Variants in LAMA5 observed in about 807,000 individuals in gnomAD.
LAMA5 encodes the protein laminin subunit alpha 5.
Under a neutral mutation model 433.4 loss-of-function variants are expected in LAMA5, and 260 were observed. That is an observed-to-expected ratio of 0.60 (90% CI 0.54 to 0.66). The LOEUF (loss-of-function observed/expected upper bound fraction) is 0.66, where lower values mean the gene tolerates loss of function less well. LAMA5 is among the 30% of genes least tolerant of loss of function. The pLI, the probability that LAMA5 is intolerant of heterozygous loss-of-function variation, is 0.00. For missense variants in LAMA5, 5,378 were observed against 5,258.5 expected (o/e 1.02, Z -0.70); for synonymous variants, 2,620 against 2,226.6 (o/e 1.18, Z -4.97).
At chr20:62,357,085 A>C (rs73613569) in intron 2 of LAMA5, among the ~76,000 whole-genome samples, 3 of 152,108 alleles carry the variant, frequency 2.0e-5, no homozygotes, top group Non-Finnish European at 4.4e-5. Context: ...CCACCTCACC[A>C]TGGGGTGGGC....
At position 62,328,014 on chromosome 20, in the gene LAMA5, T is replaced by C. The variant is rs1393421358; in HGVS notation, c.4653-4A>G. The C allele has an allele frequency of 1.9e-6, 3 of 1,611,110 alleles. No homozygotes were observed. Among genetic ancestry groups the C allele is most frequent in the Non-Finnish European group, 2.5e-6 (3 of 1,179,742 alleles). ...CCCAGTCACGTTGGGTCTGCACCTG[T>C]GGCAGGGGCGGGAGCTGAGCCCCCT... On this transcript the variant is annotated splice_region_variant and splice_polypyrimidine_tract_variant and intron_variant, in intron 35 of 79. Coordinates refer to ENST00000252999, the MANE Select transcript of LAMA5 (RefSeq NM_005560.6).
rs750357487 is a variant in LAMA5, at chr20:62,329,230, C to G, written c.4143G>C (p.Glu1381Asp). Residue 1381 changes from glutamate (E) to aspartate (D), a missense_variant, in exon 33 of 80, where the codon GAG becomes GAC. By Grantham distance (45) the Glu-to-Asp change is conservative. Transcript: ENST00000252999. ...LWLDYVLVVP[E>D]NVYSFGYLRE... ...GGAGGTAGCCAAAGCTGTAGACGTT[C>G]TCAGGGACCACGAGTACATAATCCT... is the stretch of plus-strand genomic sequence containing the variant. 1 of 1,612,594 alleles carries G rather than the reference C, an allele frequency of 6.2e-7. No individual in the cohort carries two copies. Among genetic ancestry groups the G allele is most frequent in the Non-Finnish European group, 8.5e-7 (1 of 1,179,716 alleles).
In LAMA5 at chr20:62,317,385, G is replaced by A; in HGVS notation, c.7471C>T (p.His2491Tyr). The part of the protein sequence containing the change: ...KLRLVEAAEA[H>Y]AQQLGQLALN... ...GCCAGCTGGCCCAGCTGCTGTGCGT[G>A]GGCCTCGGCGGCCTCCACTAGACGC... Residue 2491 changes from histidine (H) to tyrosine (Y), a missense_variant, in exon 55 of 80, where the codon CAC becomes TAC. Transcript: ENST00000252999. 6 of 1,609,764 alleles carry A rather than the reference G, an allele frequency of 3.7e-6. No homozygotes were observed. Among genetic ancestry groups the A allele is most frequent in the Non-Finnish European group, 5.1e-6 (6 of 1,179,122 alleles).
chr20:62,330,751 C>T lies in LAMA5; in HGVS notation c.3844G>A (p.Glu1282Lys). ...DPDAEPTLLR[E>K]PQATVVFTTH... ...GAGACTATGGCCCTCACCTGGGGCT[C>T]ACGCAGCAGGGTGGGCTCTGCATCA... The change falls in exon 30 of 80, where the codon GAG becomes AAG. Residue 1282 changes from glutamate to lysine, a missense_variant. By Grantham distance (56) the Glu-to-Lys change is moderately conservative (BLOSUM62 1). Coordinates refer to ENST00000252999, the MANE Select transcript of LAMA5 (RefSeq NM_005560.6). 1.3e-6 allele frequency: 2 copies of T among 1,560,542 alleles called. No homozygotes were observed. Among genetic ancestry groups the T allele is most frequent in the Non-Finnish European group, 1.7e-6 (2 of 1,153,068 alleles).
chr20:62,328,557 G>T, intron 34 of LAMA5, 112 bp from the exon 35 acceptor site: 1 of 1,151,734 alleles, frequency 8.7e-7, no homozygotes, highest in Non-Finnish European at 1.2e-6. Context: ...GGGGAGACAA[G>T]AACAGGGACC....
At chr20:62,309,884 C>T (rs762449694) in intron 78 of LAMA5, 49 bp from the exon 79 acceptor site, 5 of 1,607,486 alleles carry the variant, frequency 3.1e-6, no homozygotes, top group Non-Finnish European at 3.4e-6. Flanking sequence ...AGCCCAGCCT[C>T]TCTCCAGCCC....
intron 45 of LAMA5, 103 bp downstream of exon 45, chr20:62,323,353 C>CCCAGCAT: frequency 1.0e-6 from 1 of 975,048 alleles, no homozygotes; most frequent in Non-Finnish European, 1.5e-6. Flanking sequence ...CTGGCTGGGC[C>CCCAGCAT]CCAGCATCAG....
chr20:62,314,748 G>A lies in LAMA5; in HGVS notation c.8197-23C>T, dbSNP rs376387381. On this transcript the variant is annotated intron_variant, in intron 60 of 79. Coordinates refer to ENST00000252999, the MANE Select transcript of LAMA5 (RefSeq NM_005560.6). ...GACCTGCGGGGCACGGTCCATCAGCGTCCACCACCACCCTCCCTGATGTCC... is the reference window on the plus strand; with the variant it reads ...GACCTGCGGGGCACGGTCCATCAGCATCCACCACCACCCTCCCTGATGTCC... The A allele has an allele frequency of 5.9e-5, 95 of 1,612,360 alleles. No individual in the cohort carries two copies. In the African/African-American group the frequency reaches 1.0e-3, roughly 17 times the overall value.
At chr20:62,340,851 A>G (rs988401815) in intron 11 of LAMA5, among the ~76,000 whole-genome samples, 2 of 151,788 alleles carry the variant, frequency 1.3e-5, no homozygotes, top group African/African-American at 4.8e-5. Flanking sequence ...CCTGGCCAAC[A>G]TGGTAAAACC....
chr20:62,317,798 G>A lies in LAMA5; in HGVS notation c.7240-20C>T, dbSNP rs748271415. ...CCTTTGCTGAAGGCAATGCAGGGGAGTTGGGGACAATGAGGGGTAAGAAAA... is the reference window on the plus strand; with the variant it reads ...CCTTTGCTGAAGGCAATGCAGGGGAATTGGGGACAATGAGGGGTAAGAAAA... On this transcript the variant is annotated intron_variant, in intron 53 of 79. Coordinates refer to ENST00000252999, the MANE Select transcript of LAMA5 (RefSeq NM_005560.6). 6.0e-6 allele frequency: 9 copies of A among 1,490,530 alleles called. No homozygotes were observed. Among genetic ancestry groups the A allele is most frequent in the South Asian group, 4.8e-5 (4 of 83,846 alleles). The allele number at this position is 1,490,530 out of a possible 1,614,324, so 92.3% of individuals were successfully genotyped here.
chr20:62,324,586 G>A lies in LAMA5; in HGVS notation c.5530-32C>T, dbSNP rs369369041. On this transcript the variant is annotated intron_variant, in intron 41 of 79. Transcript: ENST00000252999. This position sits in a 1 kb window ranked among gnomAD's most constrained non-coding sequence, Gnocchi z 4.4. Reference sequence around the variant, plus strand: ...GTGTACGGGGGCAGGTGGCATCAGCGATTGAGAGGACGAGGGGCCCCACCC... The same window carrying A: ...GTGTACGGGGGCAGGTGGCATCAGCAATTGAGAGGACGAGGGGCCCCACCC... 1.4e-5 allele frequency: 21 copies of A among 1,510,252 alleles called. No homozygotes were observed. Among genetic ancestry groups the A allele is most frequent in the East Asian group, 4.6e-5 (2 of 43,418 alleles). 93.6% of individuals were successfully genotyped at this position (1,510,252 alleles called of 1,614,324 possible).
intron 11 of LAMA5, among the ~76,000 whole-genome samples, chr20:62,339,136 C>G (rs4925376): frequency 0.78 from 118,599 of 151,904 alleles, 49,075 homozygotes; most frequent in East Asian, 0.94. Flanking sequence ...TTAGTTATTT[C>G]TTACGTAGAT....
intron 79 of LAMA5, 120 bp from the exon 80 acceptor site, chr20:62,309,595 T>TGGG (rs1568884695): frequency 6.7e-5 from 31 of 460,846 alleles, no homozygotes; most frequent in Admixed American, 1.1e-4. Context: ...AGGAGGGTGG[T>TGGG]AGGGGGGTGG....
intron 57 of LAMA5, 41 bp from the exon 58 acceptor site, chr20:62,316,099 C>A (rs778048025): frequency 7.0e-7 from 1 of 1,424,010 alleles, no homozygotes; most frequent in Non-Finnish European, 9.7e-7. Flanking sequence ...AGCTTCACCC[C>A]CAGTATACAA....
In LAMA5 at chr20:62,346,718, GC is replaced by G. The variant is rs1449169614; in HGVS notation, c.1154del (p.Gly385AlafsTer59). On this transcript the variant is annotated frameshift_variant, in exon 8 of 80. Coordinates refer to ENST00000252999, the MANE Select transcript of LAMA5 (RefSeq NM_005560.6). LOFTEE classifies it high-confidence loss of function. ...DRRRASQSLD[G>X]TYQGGGVCID... is the part of the protein sequence containing the mutation. ...TACAGACACCCCCACCCTGATAGGT[GC>G]CATCCAGGCTCTGGCTGGCGCGGCG... The G allele has an allele frequency of 8.1e-6, 13 of 1,613,166 alleles. No homozygotes were observed. The highest frequency in any genetic ancestry group is 8.5e-7 in the Non-Finnish European group (1 of 1,179,898).
At chr20:62,319,417 G>C (rs1163650746) in intron 51 of LAMA5, among the ~76,000 whole-genome samples, 1 of 152,068 alleles carries the variant, frequency 6.6e-6, no homozygotes, top group East Asian at 1.9e-4. Context: ...TGCACTACGG[G>C]ATATCTGTGA....
rs539546750 is a variant in LAMA5, at chr20:62,330,499, C to A, written c.3968G>T (p.Arg1323Leu). 1 of 1,555,768 alleles carries A rather than the reference C, an allele frequency of 6.4e-7. No homozygotes were observed. The highest frequency in any genetic ancestry group is 8.7e-7 in the Non-Finnish European group (1 of 1,149,418). The change falls in exon 31 of 80, where the codon CGC becomes CTC. Residue 1323 changes from arginine to leucine, a missense_variant. Coordinates refer to ENST00000252999, the MANE Select transcript of LAMA5 (RefSeq NM_005560.6). The part of the protein sequence containing the change: ...FPVEVLINAG[R>L]VWQGHANASF... ...CACCAGACACTCACCCTGCCACACG[C>A]GGCCGGCGTTGATGAGGACTTCCAC...
chr20:62,348,568 C>T (rs185708832), intron 6 of LAMA5, among the ~76,000 whole-genome samples: 6 of 152,122 alleles, frequency 3.9e-5, no homozygotes, highest in Admixed American at 1.3e-4. Flanking sequence ...GATTGCACCA[C>T]TGCACTCCAG....
At chr20:62,309,934 G>A (rs1000922455) in intron 78 of LAMA5, 54 bp downstream of exon 78, 26 of 1,604,842 alleles carry the variant, frequency 1.6e-5, no homozygotes, top group African/African-American at 1.1e-4. Flanking sequence ...CCTGGCTCCC[G>A]CTCTGCAGAA....
Sources: gnomAD v4.1 joint callset for allele counts (sites outside exome capture counted in the v4.1 genomes callset) on GRCh38, gnomAD v4.1.1 for gene constraint, Gnocchi (gnomAD v3.1) non-coding constraint, MANE v1.5 for transcripts, NCBI Gene and HGNC (gene_info 2026-07-23, HGNC 2026-07-21) for gene names.